The following TTLL5 variants were observed in gnomAD, a reference collection of about 807,000 sequenced individuals.
The protein encoded by TTLL5 is tubulin tyrosine ligase like 5, also known as tubulin polyglutamylase TTLL5.
In TTLL5, 132 loss-of-function variants were observed where a neutral mutation model predicts 168.4. The observed-to-expected ratio is 0.78, with a 90% CI of 0.68 to 0.91. TTLL5 has a LOEUF of 0.91. TTLL5 is among the 40% of genes least tolerant of loss of function. The pLI is 0.00. For missense variants in TTLL5, 1,545 were observed against 1,581.5 expected (o/e 0.98, Z 0.39); for synonymous variants, 546 against 558.6 (o/e 0.98, Z 0.32).
intron 28 of TTLL5, among the ~76,000 whole-genome samples, chr14:75,842,746 C>T (rs981896649): frequency 6.6e-6 from 1 of 152,260 alleles, no homozygotes; most frequent in African/African-American, 2.4e-5. Flanking sequence ...AGAGATTATT[C>T]ACGGTAATGG....
At chr14:75,683,437 G>A (rs968940683) in intron 4 of TTLL5, 113 bp from the exon 5 acceptor site, 11 of 812,132 alleles carry the variant, frequency 1.4e-5, no homozygotes, top group Admixed American at 6.5e-5. Flanking sequence ...GGGCCACCCC[G>A]GTGAGTACAC....
At chr14:75,912,844 T>C (rs1288873798) in intron 31 of TTLL5, among the ~76,000 whole-genome samples, 1 of 152,236 alleles carries the variant, frequency 6.6e-6, no homozygotes, top group Non-Finnish European at 1.5e-5. Flanking sequence ...ATATGCCTAC[T>C]CCTTGGCATG....
At chr14:75,849,680 G>T (rs1295221675) in intron 28 of TTLL5, among the ~76,000 whole-genome samples, 1 of 152,186 alleles carries the variant, frequency 6.6e-6, no homozygotes, top group Admixed American at 6.5e-5. Flanking sequence ...CTTCAAGGTA[G>T]AATTACTTTG....
At chr14:75,889,520 A>G (rs12885929) in intron 30 of TTLL5, among the ~76,000 whole-genome samples, 134,215 of 152,168 alleles carry the variant, frequency 0.88, 59,291 homozygotes, top group South Asian at 0.92. Flanking sequence ...CCACTTTACA[A>G]TAAAATGAGA....
intron 31 of TTLL5, among the ~76,000 whole-genome samples, chr14:75,917,931 CAT>C (rs1297089422): frequency 6.6e-6 from 1 of 152,134 alleles, no homozygotes; most frequent in African/African-American, 2.4e-5. Flanking sequence ...ATTTTTCTCA[CAT>C]GTCAAAAAGT....
chr14:75,936,867 T>C (rs1484104201), intron 31 of TTLL5, among the ~76,000 whole-genome samples: 1 of 152,204 alleles, frequency 6.6e-6, no homozygotes, highest in African/African-American at 2.4e-5. Flanking sequence ...GCTGAAACCC[T>C]AAGCAGATGG....
chr14:75,905,523 G>GT, intron 31 of TTLL5, among the ~76,000 whole-genome samples: 1 of 152,216 alleles, frequency 6.6e-6, no homozygotes, highest in East Asian at 1.9e-4. Context: ...CATGAATGTG[G>GT]TTTTTCCTTG....
intron 28 of TTLL5, among the ~76,000 whole-genome samples, chr14:75,829,246 T>C (rs758813114): frequency 2.6e-5 from 4 of 152,208 alleles, no homozygotes; most frequent in African/African-American, 4.8e-5. Flanking sequence ...ACTTAAGAGA[T>C]AATTGCACAT....
chr14:75,731,374 TACACACACACACACACACACAC>T (rs3031047), intron 12 of TTLL5, among the ~76,000 whole-genome samples: 15 of 139,328 alleles, frequency 1.1e-4, no homozygotes, highest in South Asian at 7.5e-4. Context: ...TACACATACA[TACACACACACACACACACACAC>T]ACACACACAC....
At chr14:75,922,577 G>A (rs1217503150) in intron 31 of TTLL5, among the ~76,000 whole-genome samples, 1 of 152,220 alleles carries the variant, frequency 6.6e-6, no homozygotes, top group Non-Finnish European at 1.5e-5. Context: ...TCCCAGGGAT[G>A]AACACTTGAT....
intron 4 of TTLL5, among the ~76,000 whole-genome samples, chr14:75,681,940 G>C (rs1884648232): frequency 6.6e-6 from 1 of 152,034 alleles, no homozygotes; most frequent in South Asian, 2.1e-4. Context: ...CAACTGAACA[G>C]ACTTTGCTTA....
intron 28 of TTLL5, among the ~76,000 whole-genome samples, chr14:75,848,126 G>T (rs182704414): frequency 6.6e-6 from 1 of 151,930 alleles, no homozygotes; most frequent in Non-Finnish European, 1.5e-5. Context: ...CTGAAGGAAG[G>T]GGGCAGAGGC....
chr14:75,886,711 G>C (rs2140038543), intron 30 of TTLL5: 1 of 1,597,970 alleles, frequency 6.3e-7, no homozygotes, highest in South Asian at 1.1e-5. Flanking sequence ...ACCCGCTTCA[G>C]ATCCTCCTTT....
chr14:75,671,900 T>G (rs928322351), intron 3 of TTLL5, among the ~76,000 whole-genome samples: 11 of 152,218 alleles, frequency 7.2e-5, no homozygotes, highest in Admixed American at 2.6e-4. Context: ...TGGCTAGAAT[T>G]TCTAGTACAA....
In TTLL5 at chr14:75,904,015, A is replaced by G. The variant is rs8015239; in HGVS notation, c.3823+1791A>G. On this transcript the variant is annotated intron_variant, in intron 31 of 31. Coordinates refer to ENST00000298832, the MANE Select transcript of TTLL5 (RefSeq NM_015072.5). Reference sequence around the variant, plus strand: ...AATATATAGGGAAGGCGCTATAACTACTGTAACTACACCCGGGCCACTACT... The same window carrying G: ...AATATATAGGGAAGGCGCTATAACTGCTGTAACTACACCCGGGCCACTACT... 4 of 951,458 alleles carry G rather than the reference A, an allele frequency of 4.2e-6. 1 individual carries two copies. The Admixed American group carries it at 2.1e-4, about 49-fold the overall frequency. 58.9% of individuals were successfully genotyped at this position (951,458 alleles called of 1,614,324 possible).
chr14:75,716,647 C>G (rs1344930832), intron 9 of TTLL5, among the ~76,000 whole-genome samples: 3 of 151,816 alleles, frequency 2.0e-5, no homozygotes, highest in Non-Finnish European at 4.4e-5. Context: ...GAAAACCACT[C>G]TAGTGAAGGG....
chr14:75,750,194 A>G (rs1019738693), intron 17 of TTLL5, among the ~76,000 whole-genome samples: 8 of 152,040 alleles, frequency 5.3e-5, no homozygotes, highest in African/African-American at 1.9e-4. Flanking sequence ...CTGTAGGCAC[A>G]GGTTATGAGA....
chr14:75,782,424 G>A (rs1040956595), intron 24 of TTLL5, 63 bp from the exon 25 acceptor site: 5 of 1,307,036 alleles, frequency 3.8e-6, no homozygotes, highest in African/African-American at 1.5e-5. Flanking sequence ...ATAAAATTAT[G>A]TATAGAACAG....
chr14:75,821,427 T>A (rs1004055141), intron 28 of TTLL5, among the ~76,000 whole-genome samples: 2 of 152,188 alleles, frequency 1.3e-5, no homozygotes, highest in African/African-American at 2.4e-5. Context: ...CATAAAAAAA[T>A]TTCCAGATAT....
Sources: gnomAD v4.1 joint callset for allele counts (sites outside exome capture counted in the v4.1 genomes callset) on GRCh38, gnomAD v4.1.1 for gene constraint, MANE v1.5 for transcripts, NCBI Gene and HGNC (gene_info 2026-07-23, HGNC 2026-07-21) for gene names.